RBFOX1: variants seen among roughly 807,000 people sequenced by gnomAD.
RBFOX1 encodes RNA binding protein fox-1 homolog 1.
In RBFOX1, 8 loss-of-function variants were observed where a neutral mutation model predicts 57.7. That is an observed-to-expected ratio of 0.14 (90% CI 0.08 to 0.25). RBFOX1 has a LOEUF of 0.25. Among genes scored for constraint, RBFOX1 ranks in the 10% least tolerant of loss-of-function variants. The pLI is 1.00. For missense variants in RBFOX1, 611 were observed against 548.5 expected, an observed-to-expected ratio of 1.11 and a Z score of -1.14; for synonymous variants, 326 against 222.4, an observed-to-expected ratio of 1.47 and a Z score of -4.15.
In RBFOX1 at chr16:6,500,988, C is replaced by T. The variant is rs560792155; in HGVS notation, c.-63-153615C>T. Among the ~76,000 whole-genome samples the T allele has an allele frequency of 1.0e-4, 15 of 150,638 alleles. No individual in the cohort carries two copies. In the South Asian group the frequency reaches 1.1e-3, roughly 11 times the overall value. ...TTCCTGTCTTTTCTTCCTATCCTTC[C>T]TGGCAGAGCCCCTTCCTCCCAGAGC... On this transcript the variant is annotated intron_variant, in intron 2 of 15. Transcript: ENST00000550418.
intron 3 of RBFOX1, among the ~76,000 whole-genome samples, chr16:6,770,026 T>A (rs1026264214): frequency 2.6e-5 from 4 of 152,146 alleles, no homozygotes; most frequent in African/African-American, 7.2e-5. Flanking sequence ...ATTCTCAGGA[T>A]GGTTGACAGG....
At chr16:7,042,805 A>C (rs1163243954) in intron 3 of RBFOX1, among the ~76,000 whole-genome samples, 1 of 152,128 alleles carries the variant, frequency 6.6e-6, no homozygotes, top group Non-Finnish European at 1.5e-5. Flanking sequence ...GCTCACCTGG[A>C]ATCCCAGGTA....
At position 7,101,313 on chromosome 16, in the gene RBFOX1, G is replaced by A. The variant is rs536692551; in HGVS notation, c.27+49215G>A. On this transcript the variant is annotated intron_variant, in intron 4 of 15. Coordinates refer to ENST00000550418, the MANE Select transcript of RBFOX1 (RefSeq NM_018723.4). ...GGATGAATACATGACACACCATTGC[G>A]CTTGGAGAAAATGCTATTCATTGAA... Among the ~76,000 whole-genome samples the A allele has an allele frequency of 5.3e-5, 8 of 152,256 alleles. No homozygotes were observed. The South Asian group carries it at 6.2e-4, about 12-fold the overall frequency.
intron 2 of RBFOX1, among the ~76,000 whole-genome samples, chr16:5,548,943 T>C (rs1236631159): frequency 1.3e-5 from 2 of 152,222 alleles, no homozygotes; most frequent in East Asian, 3.8e-4. Context: ...ATCCTCTCTC[T>C]GTTGTTTCTG....
chr16:7,391,526 G>T (rs1484669091), intron 4 of RBFOX1, among the ~76,000 whole-genome samples: 1 of 152,056 alleles, frequency 6.6e-6, no homozygotes, highest in Non-Finnish European at 1.5e-5. Context: ...TCCTTGTCCC[G>T]TTCACAAAAT....
chr16:6,570,195 C>G (rs949235524), intron 2 of RBFOX1, among the ~76,000 whole-genome samples: 1 of 152,158 alleles, frequency 6.6e-6, no homozygotes, highest in African/African-American at 2.4e-5. Flanking sequence ...GACACGATTT[C>G]ATTGACCATG....
chr16:7,454,276 G>A (rs1193682822), intron 4 of RBFOX1, among the ~76,000 whole-genome samples: 2 of 152,148 alleles, frequency 1.3e-5, no homozygotes, highest in Non-Finnish European at 2.9e-5. Context: ...GTCTTCCCAG[G>A]AAGTCAAGGA....
chr16:6,861,285 T>C (rs1448345325), intron 3 of RBFOX1, among the ~76,000 whole-genome samples: 1 of 152,166 alleles, frequency 6.6e-6, no homozygotes, highest in African/African-American at 2.4e-5. Flanking sequence ...AAAAGGGTTT[T>C]ATACAAAAAC....
chr16:6,306,791 G>A (rs572357705), intron 1 of RBFOX1, among the ~76,000 whole-genome samples: 11 of 152,056 alleles, frequency 7.2e-5, no homozygotes, highest in African/African-American at 2.4e-4. Context: ...AAAAGTTGTC[G>A]TTTTCTCTGA....
intron 1 of RBFOX1, among the ~76,000 whole-genome samples, chr16:6,180,508 CTT>C (rs34627599): frequency 7.0e-6 from 1 of 143,448 alleles, no homozygotes. Flanking sequence ...TTTGAGTTTT[CTT>C]TTTTTTTTTC....
chr16:5,835,406 A>T (rs1268377544), intron 3 of RBFOX1, among the ~76,000 whole-genome samples: 2 of 152,216 alleles, frequency 1.3e-5, no homozygotes, highest in African/African-American at 4.8e-5. Flanking sequence ...CTGGATTCAT[A>T]CTTGGGGAGG....
intron 4 of RBFOX1, among the ~76,000 whole-genome samples, chr16:7,375,432 G>A (rs1027977172): frequency 1.3e-5 from 2 of 151,934 alleles, no homozygotes; most frequent in East Asian, 3.9e-4. Flanking sequence ...ACAAATTAGC[G>A]GCTATGGAAT....
intron 2 of RBFOX1, among the ~76,000 whole-genome samples, chr16:5,551,632 T>C (rs1341520916): frequency 2.0e-5 from 3 of 152,154 alleles, no homozygotes; most frequent in Non-Finnish European, 4.4e-5. Context: ...TGGGTTCAAA[T>C]CTCAGCTCTT....
chr16:7,510,943 G>T (rs1046233703), intron 4 of RBFOX1, among the ~76,000 whole-genome samples: 1 of 152,160 alleles, frequency 6.6e-6, no homozygotes, highest in East Asian at 1.9e-4. Context: ...GGCCAGAGGA[G>T]GTTCTCCACA....
intron 3 of RBFOX1, among the ~76,000 whole-genome samples, chr16:6,782,667 T>C (rs1221702285): frequency 1.3e-5 from 2 of 152,200 alleles, no homozygotes; most frequent in African/African-American, 4.8e-5. Context: ...CCCTGGAGAA[T>C]ATTTTATGTG....
At chr16:7,064,457 C>T (rs761802010) in intron 4 of RBFOX1, among the ~76,000 whole-genome samples, 2 of 152,112 alleles carry the variant, frequency 1.3e-5, no homozygotes, top group African/African-American at 4.8e-5. Flanking sequence ...GTGTGAGCCA[C>T]CATGCCTGGC....
chr16:6,895,920 G>A (rs2066792262), intron 3 of RBFOX1, among the ~76,000 whole-genome samples: 1 of 151,898 alleles, frequency 6.6e-6, no homozygotes, highest in Non-Finnish European at 1.5e-5. Flanking sequence ...TTTTAATTAT[G>A]GTGGGTACAT....
At chr16:6,837,830 C>T (rs745611095) in intron 3 of RBFOX1, among the ~76,000 whole-genome samples, 1 of 152,076 alleles carries the variant, frequency 6.6e-6, no homozygotes, top group Non-Finnish European at 1.5e-5. Context: ...ACTTGGGACT[C>T]CACTTCAGAC....
chr16:5,703,744 T>C (rs1169324135), intron 3 of RBFOX1, among the ~76,000 whole-genome samples: 1 of 152,160 alleles, frequency 6.6e-6, no homozygotes, highest in African/African-American at 2.4e-5. Context: ...CAAATGTGTG[T>C]GTATATATGT....
Sources: gnomAD v4.1 joint callset for allele counts (sites outside exome capture counted in the v4.1 genomes callset) on GRCh38, gnomAD v4.1.1 for gene constraint, MANE v1.5 for transcripts, NCBI Gene and HGNC (gene_info 2026-07-23, HGNC 2026-07-21) for gene names.